Variants in TAF6 observed in about 807,000 individuals in gnomAD.
TAF6 encodes transcription initiation factor TFIID subunit 6.
In TAF6, 50 loss-of-function variants were observed where a neutral mutation model predicts 73.5. The ratio of observed to expected loss-of-function variants is 0.68; its 90% confidence interval spans 0.54 to 0.86. The LOEUF (loss-of-function observed/expected upper bound fraction) is 0.86, where lower values mean the gene tolerates loss of function less well. TAF6 is among the 40% of genes least tolerant of loss of function. The pLI is 0.00. For missense variants in TAF6, 768 were observed against 899.5 expected (o/e 0.85, Z 1.87); for synonymous variants, 424 against 376.7 (o/e 1.13, Z -1.45).
At chr7:100,121,659 G>A (rs1038235171), upstream of TAF6, among the ~76,000 whole-genome samples, 3 of 151,144 alleles carry the variant, frequency 2.0e-5, no homozygotes, top group Non-Finnish European at 4.4e-5. Flanking sequence ...GGGCCAGGCT[G>A]GTCTTGAACT....
chr7:100,112,256 G>C lies in TAF6; in HGVS notation c.575-3C>G. ...GGGCGGCGCCTTCTTCTCTTTCCCT[G>C]TGTGATTGGAAAGGTGGGTCTGACA... On this transcript the variant is annotated splice_region_variant and splice_polypyrimidine_tract_variant and intron_variant, in intron 6 of 14. Coordinates refer to ENST00000453269, the MANE Select transcript of TAF6 (RefSeq NM_139315.3). 3 of 1,610,764 alleles carry C rather than the reference G, an allele frequency of 1.9e-6. No homozygotes were observed. Among genetic ancestry groups the C allele is most frequent in the Non-Finnish European group, 2.5e-6 (3 of 1,178,668 alleles).
At chr7:100,125,588 T>C in the TAF6 span, 2 of 152,228 alleles carry the variant, frequency 1.3e-5, no homozygotes, top group Admixed American at 1.3e-4. Context: ...GAATGGCCGC[T>C]GTCTTGTTAA....
chr7:100,119,686 C>T, upstream of TAF6: 1 of 1,613,466 alleles, frequency 6.2e-7, no homozygotes, highest in Non-Finnish European at 8.5e-7. Context: ...TTTAAGGGAC[C>T]CACACTACCT....
At chr7:100,123,814 C>G (rs1463167728), upstream of TAF6, among the ~76,000 whole-genome samples, 1 of 152,194 alleles carries the variant, frequency 6.6e-6, no homozygotes, top group East Asian at 1.9e-4. Context: ...GCCATTGGGC[C>G]CTGCCTTAAG....
intron 7 of TAF6, 29 bp downstream of exon 7, chr7:100,112,079 G>T (rs1797235609): frequency 6.2e-7 from 1 of 1,613,554 alleles, no homozygotes; most frequent in Admixed American, 1.7e-5. Context: ...AGGCGTCTCA[G>T]GGCCAGGGCA....
In TAF6 at chr7:100,114,066, T is replaced by G. The variant is rs1188412807; in HGVS notation, c.144A>C (p.Lys48Asn). 1.9e-6 allele frequency: 3 copies of G among 1,614,176 alleles called. No homozygotes were observed. Among genetic ancestry groups the G allele is most frequent in the Non-Finnish European group, 2.5e-6 (3 of 1,180,024 alleles). ...LLTDEVSYRIKEIAQDALKFM... is the reference protein window; with the variant it reads ...LLTDEVSYRINEIAQDALKFM... ...AGGGCCGGGTCACCTGTGCGATCTC[T>G]TTGATGCGGTAGCTGACCTCATCCG... The change falls in exon 2 of 15, where the codon AAA (lysine) becomes AAC (asparagine). Residue 48 changes from lysine to asparagine, a missense_variant. Around this residue, in one of 5 missense-constraint regions of TAF6, gnomAD observed 269 missense variants for 268.0 expected, o/e 1.00. Transcript: ENST00000453269.
the TAF6 span, among the ~76,000 whole-genome samples, chr7:100,126,187 A>G: frequency 6.6e-6 from 1 of 151,366 alleles, no homozygotes; most frequent in East Asian, 1.9e-4. Context: ...CTCCGTCTCA[A>G]AAAAAAAAGC....
the TAF6 span, chr7:100,127,132 A>T: frequency 2.0e-6 from 1 of 510,804 alleles, no homozygotes; most frequent in Non-Finnish European, 3.5e-6. The surrounding 1 kb of genome is among the most constrained non-coding windows in gnomAD (Gnocchi z 4.6). Context: ...ACGGGCAAGG[A>T]CGTACGTACC....
At chr7:100,117,159 T>C (rs983216846) in intron 1 of TAF6, among the ~76,000 whole-genome samples, 4 of 151,800 alleles carry the variant, frequency 2.6e-5, no homozygotes, top group East Asian at 1.9e-4. Flanking sequence ...GGCAGGAGAA[T>C]TGCTTGAACC....
chr7:100,113,378 T>A lies in TAF6; in HGVS notation c.425A>T (p.Gln142Leu). 1 of 1,596,738 alleles carries A rather than the reference T, an allele frequency of 6.3e-7. No homozygotes were observed. The highest frequency in any genetic ancestry group is 8.5e-7 in the Non-Finnish European group (1 of 1,171,142). The change falls in exon 5 of 15, where the codon CAG becomes CTG. Residue 142 changes from glutamine to leucine, a missense_variant. Transcript: ENST00000453269. Reference sequence around the variant, plus strand: ...GGGCGGGTTCTCGGGGATAGCTGGCTGGCAGCCCTCGATGCTCAGCCAATG... The same window carrying A: ...GGGCGGGTTCTCGGGGATAGCTGGCAGGCAGCCCTCGATGCTCAGCCAATG... ...KAHWLSIEGC[Q>L]PAIPENPPPA...
At chr7:100,121,748 C>T (rs961246575), upstream of TAF6, among the ~76,000 whole-genome samples, 1 of 150,016 alleles carries the variant, frequency 6.7e-6, no homozygotes, top group Non-Finnish European at 1.5e-5. Context: ...CCTATTATCC[C>T]ATTATAAAGA....
At position 100,110,194 on chromosome 7, in the gene TAF6, C is replaced by A. The variant is rs202047715; in HGVS notation, c.1158+6G>T. ...CTCCCCCATTTCTTCCTCCCAGAGG[C>A]CTAACATCGTGTCCCAGCTCAGCCA... On this transcript the variant is annotated splice_donor_region_variant and intron_variant, in intron 11 of 14. Coordinates refer to ENST00000453269, the MANE Select transcript of TAF6 (RefSeq NM_139315.3). 5 of 1,614,158 alleles carry A rather than the reference C, an allele frequency of 3.1e-6. No homozygotes were observed. In the East Asian group the frequency reaches 6.7e-5, roughly 22 times the overall value.
At position 100,107,230 on chromosome 7, in the gene TAF6, G is replaced by T. The variant is rs781181541; in HGVS notation, c.*16C>A. The T allele has an allele frequency of 1.3e-6, 2 of 1,520,136 alleles. No individual in the cohort carries two copies. The highest frequency in any genetic ancestry group is 4.5e-5 in the Admixed American group (2 of 44,670). 94.2% of individuals were successfully genotyped at this position (1,520,136 alleles called of 1,614,324 possible). A position where few individuals can be genotyped will look rare whatever the true frequency, so the allele number is the denominator to read the frequency against. On this transcript the variant is annotated 3_prime_UTR_variant, in exon 15 of 15. Coordinates refer to ENST00000453269, the MANE Select transcript of TAF6 (RefSeq NM_139315.3). ...TGTCTGCATGTGTGGGAATCCGGGG[G>T]CTGGCAGGTGGAGCATCACGGAGCA...
At chr7:100,121,553 T>G (rs1220299181), upstream of TAF6, among the ~76,000 whole-genome samples, 1 of 151,982 alleles carries the variant, frequency 6.6e-6, no homozygotes, top group Non-Finnish European at 1.5e-5. Context: ...GTTCGAGTGA[T>G]TCTCCTGCCT....
the TAF6 span, chr7:100,124,874 C>G: frequency 1.7e-5 from 27 of 1,597,850 alleles, no homozygotes; most frequent in Non-Finnish European, 2.2e-5. Flanking sequence ...CAAACTTGAC[C>G]GAGAAGATCT....
chr7:100,113,017 C>T (rs954682488), intron 5 of TAF6, 100 bp from the exon 6 acceptor site: 3 of 1,491,444 alleles, frequency 2.0e-6, no homozygotes, highest in Non-Finnish European at 2.7e-6. Flanking sequence ...GTAATCCCAG[C>T]ACTTTGGGAG....
At chr7:100,122,594 G>T, upstream of TAF6, 1 of 1,580,854 alleles carries the variant, frequency 6.3e-7, no homozygotes, top group Non-Finnish European at 8.6e-7. Context: ...CCCTTCCCCA[G>T]GGCAGGACCC....
chr7:100,124,803 A>G, upstream of TAF6: 1 of 1,604,796 alleles, frequency 6.2e-7, no homozygotes, highest in Non-Finnish European at 8.5e-7. Context: ...GAGCAGGAGG[A>G]GGAGGAGGAA....
chr7:100,112,988 G>A lies in TAF6; in HGVS notation c.455-71C>T. 4.5e-6 allele frequency: 7 copies of A among 1,550,376 alleles called. No homozygotes were observed. In the South Asian group the frequency reaches 8.4e-5, roughly 19 times the overall value. ...AAAAGTAAAAGGTGGGAGGAGGCCG[G>A]ATGCGGTGGCTCATGCCTGTAATCC... On this transcript the variant is annotated intron_variant, in intron 5 of 14. Transcript: ENST00000453269.
Sources: gnomAD v4.1 joint callset for allele counts (sites outside exome capture counted in the v4.1 genomes callset) on GRCh38, gnomAD v4.1.1 for gene constraint, gnomAD v4.1.1 regional missense constraint, Gnocchi (gnomAD v3.1) non-coding constraint, MANE v1.5 for transcripts, NCBI Gene and HGNC (gene_info 2026-07-23, HGNC 2026-07-21) for gene names.